The following B3GLCT variants were observed in gnomAD, a reference collection of about 807,000 sequenced individuals.
B3GLCT encodes beta-1,3-glucosyltransferase.
A neutral mutation model predicts 63.4 loss-of-function variants in B3GLCT; 65 were observed. That is an observed-to-expected ratio of 1.03 (90% confidence interval 0.84 to 1.26). The LOEUF (loss-of-function observed/expected upper bound fraction) is 1.26. B3GLCT is among the 50% of genes most tolerant of loss of function. The probability of loss-of-function intolerance (pLI) is 0.00; values close to 1 mark genes in which losing one functional copy is unlikely to be tolerated. For missense variants in B3GLCT, 577 were observed against 604.8 expected (o/e 0.95, Z 0.48); for synonymous variants, 233 against 219.2 (o/e 1.06, Z -0.55).
chr13:31,240,271 C>T (rs1178591992), intron 4 of B3GLCT, among the ~76,000 whole-genome samples: 2 of 152,174 alleles, frequency 1.3e-5, no homozygotes, highest in Non-Finnish European at 2.9e-5. Context: ...GACCTCTATA[C>T]TCTCTCCACC....
At chr13:31,229,851 A>G (rs1294171323) in intron 4 of B3GLCT, among the ~76,000 whole-genome samples, 2 of 150,124 alleles carry the variant, frequency 1.3e-5, no homozygotes, top group Non-Finnish European at 3.0e-5. Context: ...ATAAAAATAT[A>G]TATAAATTTA....
chr13:31,319,029 G>A (rs573519534), intron 13 of B3GLCT, among the ~76,000 whole-genome samples: 5 of 152,192 alleles, frequency 3.3e-5, no homozygotes, highest in African/African-American at 1.2e-4. Flanking sequence ...CATCCCAGTT[G>A]GTTGTTTATT....
intron 12 of B3GLCT, among the ~76,000 whole-genome samples, chr13:31,310,002 A>G (rs1211059258): frequency 2.0e-5 from 3 of 152,212 alleles, no homozygotes; most frequent in African/African-American, 4.8e-5. Context: ...GGCAAGAGGC[A>G]CACAAATTCC....
rs374897816 is a variant in B3GLCT at position 31,215,118 on chromosome 13, C to G, written c.120+18C>G. On this transcript the variant is annotated intron_variant, in intron 2 of 14. Coordinates refer to ENST00000343307, the MANE Select transcript of B3GLCT (RefSeq NM_194318.4). ...AGTCTCAGGTACTAATCCCAATGAT[C>G]AAATCTTTTCCTCCCTTCTAAGATT... 6.1e-5 allele frequency: 98 copies of G among 1,605,686 alleles called. No homozygotes were observed. Among genetic ancestry groups the G allele is most frequent in the Non-Finnish European group, 8.0e-5 (94 of 1,174,822 alleles).
intron 4 of B3GLCT, among the ~76,000 whole-genome samples, chr13:31,240,851 A>G (rs937480714): frequency 1.3e-5 from 2 of 152,234 alleles, no homozygotes; most frequent in African/African-American, 2.4e-5. Flanking sequence ...ATGCAAATTT[A>G]TCGACCCATT....
chr13:31,285,729 T>C (rs541261325), intron 11 of B3GLCT, among the ~76,000 whole-genome samples: 23 of 152,200 alleles, frequency 1.5e-4, no homozygotes, highest in African/African-American at 5.1e-4. Flanking sequence ...GAATCAGATA[T>C]GCCATCTCTG....
chr13:31,326,498 G>A (rs556572931), intron 14 of B3GLCT, among the ~76,000 whole-genome samples: 6 of 151,974 alleles, frequency 3.9e-5, no homozygotes, highest in Admixed American at 3.9e-4. Flanking sequence ...AGCCAGGGTG[G>A]TCTCGATCTC....
At chr13:31,301,121 A>G (rs1230624617) in intron 12 of B3GLCT, among the ~76,000 whole-genome samples, 1 of 152,192 alleles carries the variant, frequency 6.6e-6, no homozygotes, top group Non-Finnish European at 1.5e-5. Context: ...AGATCACTTT[A>G]TGTCCTTTAG....
intron 4 of B3GLCT, among the ~76,000 whole-genome samples, chr13:31,232,973 A>G (rs1275575901): frequency 6.6e-6 from 1 of 152,212 alleles, no homozygotes; most frequent in African/African-American, 2.4e-5. Context: ...TACATACAGT[A>G]TGGACCTTTG....
intron 12 of B3GLCT, among the ~76,000 whole-genome samples, chr13:31,313,605 A>G (rs1443456245): frequency 6.6e-6 from 1 of 152,210 alleles, no homozygotes; most frequent in Admixed American, 6.5e-5. Context: ...GATCCTGTTA[A>G]AGGCATTCAG....
chr13:31,202,983 C>T (rs534586654), intron 1 of B3GLCT, among the ~76,000 whole-genome samples: 1 of 152,298 alleles, frequency 6.6e-6, no homozygotes, highest in South Asian at 2.1e-4. Flanking sequence ...TATTGCCAAA[C>T]CTAATCCTAA....
chr13:31,205,055 T>G (rs999253638), intron 1 of B3GLCT, among the ~76,000 whole-genome samples: 10 of 152,176 alleles, frequency 6.6e-5, no homozygotes, highest in African/African-American at 2.4e-4. Context: ...GTACTTTGAC[T>G]TTTAATTTTA....
At chr13:31,201,877 C>A (rs1414081004) in intron 1 of B3GLCT, among the ~76,000 whole-genome samples, 1 of 152,094 alleles carries the variant, frequency 6.6e-6, no homozygotes, top group African/African-American at 2.4e-5. Context: ...CAGATAAGCA[C>A]AATAAATAAG....
At chr13:31,326,889 C>T (rs890957816) in intron 14 of B3GLCT, among the ~76,000 whole-genome samples, 3 of 152,166 alleles carry the variant, frequency 2.0e-5, no homozygotes, top group African/African-American at 7.2e-5. Context: ...TATAGCCTCC[C>T]TGAGATGCAG....
At chr13:31,213,901 T>A (rs1230278234) in intron 1 of B3GLCT, among the ~76,000 whole-genome samples, 1 of 152,168 alleles carries the variant, frequency 6.6e-6, no homozygotes, top group Non-Finnish European at 1.5e-5. Context: ...TCACCCTGCC[T>A]TTTGAAATGT....
intron 12 of B3GLCT, among the ~76,000 whole-genome samples, chr13:31,294,706 G>A (rs757705810): frequency 3.9e-5 from 6 of 151,978 alleles, no homozygotes; most frequent in African/African-American, 1.2e-4. Flanking sequence ...TTAGCAATTC[G>A]TCTAACCTTT....
At chr13:31,270,234 A>G (rs1872523273) in intron 8 of B3GLCT, among the ~76,000 whole-genome samples, 1 of 152,208 alleles carries the variant, frequency 6.6e-6, no homozygotes, top group African/African-American at 2.4e-5. Flanking sequence ...TCTCTGCAGG[A>G]ATCTGTATGT....
intron 1 of B3GLCT, among the ~76,000 whole-genome samples, chr13:31,213,523 G>A (rs1170871551): frequency 2.0e-5 from 3 of 151,680 alleles, no homozygotes; most frequent in Admixed American, 2.0e-4. Flanking sequence ...AGGAATGAAG[G>A]TTGCAGTGAG....
At chr13:31,327,430 C>T (rs1875688751) in intron 14 of B3GLCT, among the ~76,000 whole-genome samples, 1 of 152,120 alleles carries the variant, frequency 6.6e-6, no homozygotes, top group Non-Finnish European at 1.5e-5. Flanking sequence ...GAGTGGGACA[C>T]CCCAGATTTC....
Sources: allele counts gnomAD v4.1 joint callset (sites outside exome capture counted in the v4.1 genomes callset), GRCh38; gene constraint gnomAD v4.1.1; transcripts MANE v1.5; gene names NCBI Gene and HGNC (gene_info 2026-07-23, HGNC 2026-07-21).